The following EFCAB6 variants were observed in gnomAD, a reference collection of about 807,000 sequenced individuals.
EFCAB6 encodes EF-hand calcium binding domain 6, also known as EF-hand calcium-binding domain-containing protein 6.
EFCAB6 carries 156 observed loss-of-function variants against 169.8 expected under a neutral mutation model. That is an observed-to-expected ratio of 0.92 (90% CI 0.81 to 1.05). The LOEUF (loss-of-function observed/expected upper bound fraction) is 1.05, where lower values mean the gene tolerates loss of function less well. Ranked by LOEUF, EFCAB6 falls within the 50% of genes least tolerant of loss-of-function variation. The pLI, the probability that EFCAB6 is intolerant of heterozygous loss-of-function variation, is 0.00. For missense variants in EFCAB6, 1,800 were observed against 1,829.1 expected (o/e 0.98, Z 0.29); for synonymous variants, 698 against 676.4 (o/e 1.03, Z -0.50).
chr22:43,588,408 G>C (rs1275406987), intron 24 of EFCAB6, among the ~76,000 whole-genome samples: 1 of 152,136 alleles, frequency 6.6e-6, no homozygotes, highest in Non-Finnish European at 1.5e-5. Context: ...AGAGTAGGAT[G>C]TTATAAAAAA....
intron 6 of EFCAB6, among the ~76,000 whole-genome samples, chr22:43,748,885 C>T (rs1685781173): frequency 6.6e-6 from 1 of 152,180 alleles, no homozygotes; most frequent in African/African-American, 2.4e-5. Flanking sequence ...AAGCAAAAGA[C>T]ATGGGTATGT....
chr22:43,747,669 C>T (rs557384170), intron 6 of EFCAB6, among the ~76,000 whole-genome samples: 1 of 152,264 alleles, frequency 6.6e-6, no homozygotes, highest in Non-Finnish European at 1.5e-5. Flanking sequence ...AGAACACCCA[C>T]CCTGTGCCCT....
intron 6 of EFCAB6, among the ~76,000 whole-genome samples, chr22:43,752,850 G>A (rs1053722677): frequency 2.0e-5 from 3 of 152,056 alleles, no homozygotes; most frequent in African/African-American, 7.2e-5. Context: ...TTCTCATAAG[G>A]GAAAAAAACC....
chr22:43,560,160 T>C lies in EFCAB6; in HGVS notation c.3421-5064A>G, dbSNP rs117087064. ...AGACTCACTTTCAAAAGAGAAATCC[T>C]TTCTCAAGTTATAAATAAGCTTAAT... On this transcript the variant is annotated intron_variant, in intron 26 of 31. Transcript: ENST00000262726. Among the ~76,000 whole-genome samples, 1,084 of 152,358 alleles carry C rather than the reference T, an allele frequency of 7.1e-3. 13 individuals carry two copies. The highest frequency in any genetic ancestry group is 0.011 in the Non-Finnish European group (743 of 68,040).
chr22:43,788,181 C>T (rs547368766), intron 2 of EFCAB6, among the ~76,000 whole-genome samples: 151 of 152,230 alleles, frequency 9.9e-4, no homozygotes, highest in Non-Finnish European at 1.9e-3. Context: ...ACAATGATAT[C>T]TTAGATATGA....
chr22:43,771,304 G>C (rs898499784), intron 4 of EFCAB6, among the ~76,000 whole-genome samples: 1 of 152,102 alleles, frequency 6.6e-6, no homozygotes, highest in Non-Finnish European at 1.5e-5. Flanking sequence ...GGTGGCACAT[G>C]CCTGTAATCC....
intron 27 of EFCAB6, among the ~76,000 whole-genome samples, chr22:43,543,525 C>T (rs2047869574): frequency 6.6e-6 from 1 of 152,186 alleles, no homozygotes; most frequent in Non-Finnish European, 1.5e-5. Context: ...CCTCCTTCCT[C>T]CACTGGGAAC....
chr22:43,794,884 T>C (rs1333862740), intron 2 of EFCAB6, among the ~76,000 whole-genome samples: 3 of 152,172 alleles, frequency 2.0e-5, no homozygotes, highest in Admixed American at 6.5e-5. Flanking sequence ...TTCCAAATGA[T>C]AGGGTATCAC....
chr22:43,708,513 T>G (rs1239207793), intron 10 of EFCAB6, among the ~76,000 whole-genome samples: 1 of 151,866 alleles, frequency 6.6e-6, no homozygotes, highest in African/African-American at 2.4e-5. Flanking sequence ...TCCAAACATA[T>G]TAATCACAAT....
At chr22:43,741,110 A>C (rs2060353728) in intron 6 of EFCAB6, among the ~76,000 whole-genome samples, 1 of 152,172 alleles carries the variant, frequency 6.6e-6, no homozygotes, top group South Asian at 2.1e-4. Flanking sequence ...CTTGTCCCAC[A>C]CAGGGGAGGA....
intron 2 of EFCAB6, among the ~76,000 whole-genome samples, chr22:43,787,138 C>T (rs1245797319): frequency 6.6e-6 from 1 of 152,062 alleles, no homozygotes; most frequent in Admixed American, 6.6e-5. Flanking sequence ...AAAGTTTTCT[C>T]CGTAAGATCA....
chr22:43,777,453 C>T (rs2061676638), intron 3 of EFCAB6, among the ~76,000 whole-genome samples: 1 of 152,318 alleles, frequency 6.6e-6, no homozygotes, highest in Admixed American at 6.5e-5. Context: ...GAACTTAACC[C>T]TCCCACAAGA....
At position 43,537,466 on chromosome 22, in the gene EFCAB6, C is replaced by G; in HGVS notation, c.3959G>C (p.Arg1320Thr). The change falls in exon 29 of 32, where the codon AGA becomes ACA. Residue 1320 changes from arginine (R) to threonine (T), a missense_variant. Arg to Thr is a moderately conservative substitution (Grantham distance 71). Transcript: ENST00000262726. The surrounding 1 kb of genome is among the most constrained non-coding windows in gnomAD (Gnocchi z 4.3). Reference sequence around the variant, plus strand: ...GAGCTGGCGCCAGCAGCCCTGGATTCTCTTCCGGAGCCTGCTCTCTATGGG... The same window carrying G: ...GAGCTGGCGCCAGCAGCCCTGGATTGTCTTCCGGAGCCTGCTCTCTATGGG... ...CDPIESRLRK[R>T]IQGCWRQLLK... 1 of 1,614,170 alleles carries G rather than the reference C, an allele frequency of 6.2e-7. No homozygotes were observed. Among genetic ancestry groups the G allele is most frequent in the Non-Finnish European group, 8.5e-7 (1 of 1,180,044 alleles).
chr22:43,561,091 G>C (rs1471190995), intron 26 of EFCAB6, among the ~76,000 whole-genome samples: 1 of 152,170 alleles, frequency 6.6e-6, no homozygotes, highest in African/African-American at 2.4e-5. Flanking sequence ...GGGTGCAGTG[G>C]CTCACACCTG....
At position 43,608,397 on chromosome 22, in the gene EFCAB6, T is replaced by G. The variant is rs910912198; in HGVS notation, c.2681+85A>C. 3.1e-5 allele frequency: 36 copies of G among 1,156,418 alleles called. No individual in the cohort carries two copies. In the African/African-American group the frequency reaches 3.8e-4, roughly 12 times the overall value. 71.6% of individuals were successfully genotyped at this position (1,156,418 alleles called of 1,614,324 possible). ...TACTCCCAGCCCCCAGTTACCCTGA[T>G]GTAGGAAAGATTAGGCTGAATTTGC... On this transcript the variant is annotated intron_variant, in intron 22 of 31. Transcript: ENST00000262726.
intron 20 of EFCAB6, among the ~76,000 whole-genome samples, chr22:43,616,554 C>T (rs1432892775): frequency 2.6e-5 from 4 of 152,210 alleles, no homozygotes. Flanking sequence ...ATCCCAGCTA[C>T]TCAAGAGGCT....
At chr22:43,703,591 T>TA (rs2058843315) in intron 10 of EFCAB6, among the ~76,000 whole-genome samples, 1 of 149,956 alleles carries the variant, frequency 6.7e-6, no homozygotes, top group African/African-American at 2.5e-5. Context: ...ATAGATAGAC[T>TA]AAAAAATAAA....
At chr22:43,656,008 A>C (rs1401236996) in intron 17 of EFCAB6, among the ~76,000 whole-genome samples, 1 of 152,244 alleles carries the variant, frequency 6.6e-6, no homozygotes. Flanking sequence ...AGTCAACAGA[A>C]TGAAGAAAGG....
chr22:43,629,295 G>A (rs942265148), intron 19 of EFCAB6, among the ~76,000 whole-genome samples: 3 of 152,314 alleles, frequency 2.0e-5, no homozygotes, highest in South Asian at 2.1e-4. Context: ...GAATCGAGCC[G>A]GTGTTATTTC....
Sources: allele counts gnomAD v4.1 joint callset (sites outside exome capture counted in the v4.1 genomes callset), GRCh38; gene constraint gnomAD v4.1.1; non-coding constraint Gnocchi (gnomAD v3.1); transcripts MANE v1.5; gene names NCBI Gene and HGNC (gene_info 2026-07-23, HGNC 2026-07-21).